The following CACNA1E variants were observed in gnomAD, a reference collection of about 807,000 sequenced individuals.
CACNA1E encodes the protein calcium voltage-gated channel subunit alpha1 E.
CACNA1E carries 40 observed loss-of-function variants against 259.2 expected under a neutral mutation model. The observed-to-expected ratio is 0.15, with a 90% CI of 0.12 to 0.20. The LOEUF is 0.20. CACNA1E is among the 10% of genes least tolerant of loss of function. CACNA1E has a pLI of 1.00. For synonymous variants in CACNA1E, 1,104 were observed against 1,138.5 expected, an observed-to-expected ratio of 0.97 and a Z score of 0.61; for missense variants, 1,874 against 3,040.1, an observed-to-expected ratio of 0.62 and a Z score of 9.02.
chr1:181,583,424 T>C (rs17443281), intron 6 of CACNA1E, among the ~76,000 whole-genome samples: 57,105 of 152,080 alleles, frequency 0.38, 13,293 homozygotes, highest in East Asian at 0.66. Context: ...CCCAGCCCTA[T>C]GCACCTTCTA....
chr1:181,637,307 C>A (rs1376919412), intron 6 of CACNA1E, among the ~76,000 whole-genome samples: 1 of 152,112 alleles, frequency 6.6e-6, no homozygotes, highest in African/African-American at 2.4e-5. Flanking sequence ...CTGATAAAGC[C>A]CCTCTAATCA....
Position 181,785,391 on chromosome 1 carries a change from G to A in CACNA1E, c.5652G>A (p.Lys1884=). 1 of 1,612,954 alleles carries A rather than the reference G, an allele frequency of 6.2e-7. No individual in the cohort carries two copies. The highest frequency in any genetic ancestry group is 8.5e-7 in the Non-Finnish European group (1 of 1,179,162). ...ACTACTATAAGCAGAGTAAGGTGAA[G>A]AAGCAGAGGCAGCAGCTGGAGGAAC... is the stretch of plus-strand genomic sequence containing the variant. ...IMDYYKQSKV[K]KQRQQLEEQK... Residue 1884 remains lysine (K), a synonymous_variant, in exon 42 of 48, where the codon AAG becomes AAA. Coordinates refer to ENST00000367573, the MANE Select transcript of CACNA1E (RefSeq NM_001205293.3).
chr1:181,660,415 T>C (rs1006494535), intron 7 of CACNA1E, among the ~76,000 whole-genome samples: 1 of 152,218 alleles, frequency 6.6e-6, no homozygotes, highest in African/African-American at 2.4e-5. Context: ...TAAGTTCAAA[T>C]AGTCCAGAAG....
chr1:181,715,728 C>T (rs1262731558), intron 9 of CACNA1E, among the ~76,000 whole-genome samples: 1 of 152,170 alleles, frequency 6.6e-6, no homozygotes, highest in African/African-American at 2.4e-5. Flanking sequence ...ACTTTCATTA[C>T]CAGGAAGTGG....
At chr1:181,648,560 G>T (rs1303122755) in intron 6 of CACNA1E, among the ~76,000 whole-genome samples, 1 of 152,090 alleles carries the variant, frequency 6.6e-6, no homozygotes, top group Non-Finnish European at 1.5e-5. Context: ...TCTTCTCACG[G>T]GCTCAGAAGA....
chr1:181,568,474 A>G (rs751864525), intron 3 of CACNA1E, among the ~76,000 whole-genome samples: 1 of 152,196 alleles, frequency 6.6e-6, no homozygotes, highest in African/African-American at 2.4e-5. Context: ...CTGGTGTTCC[A>G]TTGCCAAATT....
At chr1:181,694,001 A>T (rs908678087) in intron 7 of CACNA1E, among the ~76,000 whole-genome samples, 7 of 152,202 alleles carry the variant, frequency 4.6e-5, no homozygotes, top group Non-Finnish European at 8.8e-5. Context: ...AGGCAAGGGG[A>T]AAAACACTTC....
At chr1:181,562,455 T>A (rs1396181805) in intron 3 of CACNA1E, among the ~76,000 whole-genome samples, 1 of 152,216 alleles carries the variant, frequency 6.6e-6, no homozygotes, top group Non-Finnish European at 1.5e-5. Context: ...TTGCCTTTTT[T>A]GATACTGGAT....
chr1:181,577,817 C>T lies in CACNA1E; in HGVS notation c.564C>T (p.Thr188=). 6.2e-7 allele frequency: 1 copy of T among 1,611,994 alleles called. No individual in the cohort carries two copies. The highest frequency in any genetic ancestry group is 8.5e-7 in the Non-Finnish European group (1 of 1,179,134). Residue 188 remains threonine (T), a synonymous_variant, in exon 4 of 48, where the codon ACC becomes ACT. Coordinates refer to ENST00000367573, the MANE Select transcript of CACNA1E (RefSeq NM_001205293.3). ...TCAATACTCACGTGGACCTGAGGAC[C>T]CTCCGGGCTGTGCGTGTCCTGCGGC... The part of the protein sequence containing the change: ...THFNTHVDLR[T]LRAVRVLRPL...
intron 2 of CACNA1E, among the ~76,000 whole-genome samples, chr1:181,438,522 T>G (rs896030390): frequency 2.6e-5 from 4 of 152,224 alleles, no homozygotes; most frequent in Admixed American, 2.6e-4. Flanking sequence ...CCTTTTTATT[T>G]TTTTAAATCA....
chr1:181,578,325 G>A (rs1651179758), intron 4 of CACNA1E, among the ~76,000 whole-genome samples: 1 of 152,182 alleles, frequency 6.6e-6, no homozygotes. Flanking sequence ...GCTGAGGTGG[G>A]TGGATTGCTT....
intron 7 of CACNA1E, among the ~76,000 whole-genome samples, chr1:181,696,278 A>T (rs1416470606): frequency 6.6e-6 from 1 of 151,998 alleles, no homozygotes; most frequent in Non-Finnish European, 1.5e-5. Context: ...GAATGCATTA[A>T]TTATCATGCT....
At chr1:181,395,477 G>C (rs1656606660) in intron 1 of CACNA1E, among the ~76,000 whole-genome samples, 1 of 152,186 alleles carries the variant, frequency 6.6e-6, no homozygotes, top group Non-Finnish European at 1.5e-5. Flanking sequence ...ATAAATTTTG[G>C]AGTTGACAAC....
intron 1 of CACNA1E, among the ~76,000 whole-genome samples, chr1:181,328,635 A>G (rs913668092): frequency 3.9e-5 from 6 of 152,190 alleles, no homozygotes; most frequent in African/African-American, 1.4e-4. Context: ...AGATGGGGTG[A>G]AATGTACATG....
intron 2 of CACNA1E, among the ~76,000 whole-genome samples, chr1:181,416,730 C>T (rs1329232804): frequency 6.6e-6 from 1 of 152,166 alleles, no homozygotes; most frequent in African/African-American, 2.4e-5. Flanking sequence ...TGCTTCCAGA[C>T]CATTACTCCC....
intron 1 of CACNA1E, among the ~76,000 whole-genome samples, chr1:181,484,458 A>G (rs1663602959): frequency 6.6e-6 from 1 of 152,228 alleles, no homozygotes; most frequent in Non-Finnish European, 1.5e-5. Context: ...CCTGTAGGGA[A>G]GTCAAGGCTC....
At chr1:181,367,382 C>T (rs913258131) in intron 1 of CACNA1E, among the ~76,000 whole-genome samples, 1 of 151,602 alleles carries the variant, frequency 6.6e-6, no homozygotes, top group Non-Finnish European at 1.5e-5. Context: ...TTCCCAGGAC[C>T]TCCTGGATAT....
At chr1:181,792,432 TATG>T (rs1661405848) in intron 44 of CACNA1E, among the ~76,000 whole-genome samples, 1 of 152,248 alleles carries the variant, frequency 6.6e-6, no homozygotes, top group South Asian at 2.1e-4. Context: ...TGTGTGTGCA[TATG>T]GAGTGTGTGT....
chr1:181,361,524 G>C (rs898021240), intron 1 of CACNA1E, among the ~76,000 whole-genome samples: 2 of 152,096 alleles, frequency 1.3e-5, no homozygotes, highest in Non-Finnish European at 2.9e-5. Context: ...AAGATGGAGT[G>C]GTTGCTAGAG....
Sources: gnomAD v4.1 joint callset for allele counts (sites outside exome capture counted in the v4.1 genomes callset) on GRCh38, gnomAD v4.1.1 for gene constraint, MANE v1.5 for transcripts, NCBI Gene and HGNC (gene_info 2026-07-23, HGNC 2026-07-21) for gene names.